LRCH1: variants seen among roughly 807,000 people sequenced by gnomAD.
The protein encoded by LRCH1 is leucine rich repeats and calponin homology domain containing 1.
A neutral mutation model predicts 94.9 loss-of-function variants in LRCH1; 23 were observed. The observed-to-expected ratio is 0.24, with a 90% CI of 0.17 to 0.34. The LOEUF is 0.34. LRCH1 is among the 10% of genes least tolerant of loss of function. LRCH1 has a pLI of 1.00. For missense variants in LRCH1, 790 were observed against 945.9 expected, an observed-to-expected ratio of 0.84 and a Z score of 2.16; for synonymous variants, 364 against 354.9, an observed-to-expected ratio of 1.03 and a Z score of -0.29.
intron 1 of LRCH1, among the ~76,000 whole-genome samples, chr13:46,622,201 TTC>T (rs138299270): frequency 0.14 from 10,257 of 75,572 alleles, 433 homozygotes; most frequent in East Asian, 0.35. Flanking sequence ...TTTTTTTTTT[TTC>T]CCCCCAAGGC....
rs201104832 is a variant in LRCH1 at position 46,733,935 on chromosome 13, G to A, written c.2022G>A (p.Met674Ile). 11 of 1,600,628 alleles carry A rather than the reference G, an allele frequency of 6.9e-6. No individual in the cohort carries two copies. Among genetic ancestry groups the A allele is most frequent in the South Asian group, 1.1e-5 (1 of 87,932 alleles). Residue 674 changes from methionine (M) to isoleucine (I), a missense_variant, in exon 19 of 20, where the codon ATG (methionine) becomes ATA (isoleucine). By Grantham distance (10) the Met-to-Ile change is conservative. This residue lies in a region of LRCH1 where 460 missense variants were observed against 508.9 expected (regional missense o/e 0.90). Coordinates refer to ENST00000389797, the MANE Select transcript of LRCH1 (RefSeq NM_001164211.2). ...TGCATTTATAGCCCAAACTTAGCAT[G>A]GCCAAATGCAGAAGAAATGTGGAAA... is the stretch of plus-strand genomic sequence containing the variant. ...VPSPAVPKLS[M>I]AKCRRNVENF...
intron 2 of LRCH1, among the ~76,000 whole-genome samples, chr13:46,651,479 G>A (rs527886698): frequency 2.0e-4 from 31 of 151,928 alleles, no homozygotes; most frequent in Non-Finnish European, 4.0e-4. Context: ...TGGCCAACAC[G>A]GTGGAACCCC....
At chr13:46,681,676 T>A in intron 3 of LRCH1, 65 bp from the exon 4 acceptor site, 1 of 1,110,812 alleles carries the variant, frequency 9.0e-7, no homozygotes, top group Non-Finnish European at 1.4e-6. Context: ...TAAGGAGATT[T>A]CACATGAAAT....
chr13:46,741,825 C>T lies in LRCH1; in HGVS notation c.2269C>T (p.His757Tyr). The change falls in exon 20 of 20, where the codon CAC becomes TAC. Residue 757 changes from histidine (H) to tyrosine (Y), a missense_variant. His to Tyr is a moderately conservative substitution (Grantham distance 83, BLOSUM62 2). Around this residue, in one of 3 missense-constraint regions of LRCH1, gnomAD observed 460 missense variants for 508.9 expected, o/e 0.90. Coordinates refer to ENST00000389797, the MANE Select transcript of LRCH1 (RefSeq NM_001164211.2). ...LFIVLVYITY[H>Y]WNALSA Reference sequence around the variant, plus strand: ...TATAGTGCTGGTCTATATCACTTACCACTGGAATGCTCTGTCCGCATAATG... The same window carrying T: ...TATAGTGCTGGTCTATATCACTTACTACTGGAATGCTCTGTCCGCATAATG... 6.2e-7 allele frequency: 1 copy of T among 1,614,114 alleles called. No homozygotes were observed.
chr13:46,649,179 T>G (rs2051260534), intron 1 of LRCH1, among the ~76,000 whole-genome samples: 1 of 152,362 alleles, frequency 6.6e-6, no homozygotes, highest in East Asian at 1.9e-4. Flanking sequence ...TATTGACATA[T>G]TTACATTTTC....
intron 1 of LRCH1, among the ~76,000 whole-genome samples, chr13:46,563,982 C>T (rs940907720): frequency 5.3e-5 from 8 of 152,040 alleles, no homozygotes; most frequent in South Asian, 2.1e-4. Context: ...CAAACCCACC[C>T]AAACCAGCCA....
At position 46,705,274 on chromosome 13, in the gene LRCH1, A is replaced by G. The variant is rs761805232; in HGVS notation, c.1497A>G (p.Gln499=). 1 of 1,613,538 alleles carries G rather than the reference A, an allele frequency of 6.2e-7. No homozygotes were observed. Among genetic ancestry groups the G allele is most frequent in the Non-Finnish European group, 8.5e-7 (1 of 1,179,686 alleles). ...TCTTTCCTTGTTCTCACAGTGGTCA[A>G]ATACAGCTGGAGACATCTCCGGTGT... ...LELQDSALNG[Q]IQLETSPVCE... is the part of the protein sequence containing the mutation. The change falls in exon 13 of 20, where the codon CAA becomes CAG. Residue 499 remains glutamine (Q), a synonymous_variant. Coordinates refer to ENST00000389797, the MANE Select transcript of LRCH1 (RefSeq NM_001164211.2).
chr13:46,695,010 A>G lies in LRCH1; in HGVS notation c.1238A>G (p.Asn413Ser). The G allele has an allele frequency of 6.2e-7, 1 of 1,613,232 alleles. No individual in the cohort carries two copies. Among genetic ancestry groups the G allele is most frequent in the Non-Finnish European group, 8.5e-7 (1 of 1,179,696 alleles). ...RADGLHSEFM[N>S]YKARAEDCEE... ...GATGGTCTCCATTCGGAATTTATGA[A>G]CTATAAGGCAAGATTTTCAGGATCA... Residue 413 changes from asparagine (N) to serine (S), a missense_variant, in exon 9 of 20, where the codon AAC becomes AGC. Coordinates refer to ENST00000389797, the MANE Select transcript of LRCH1 (RefSeq NM_001164211.2).
At chr13:46,751,105 A>G (rs1874115288) in exon 19 of LRCH1, 1 of 152,272 alleles carries the variant, frequency 6.6e-6, no homozygotes, top group Non-Finnish European at 1.5e-5. Flanking sequence ...CCTTTTAAAA[A>G]ACTATTTTCG....
At chr13:46,599,986 T>G (rs1392683197) in intron 1 of LRCH1, among the ~76,000 whole-genome samples, 1 of 152,238 alleles carries the variant, frequency 6.6e-6, no homozygotes, top group Non-Finnish European at 1.5e-5. Context: ...CGATCTTAAT[T>G]TTTTTATTTT....
At chr13:46,633,356 G>T (rs2051041551) in intron 1 of LRCH1, among the ~76,000 whole-genome samples, 1 of 152,146 alleles carries the variant, frequency 6.6e-6, no homozygotes, top group Non-Finnish European at 1.5e-5. Flanking sequence ...GATCGTGTTG[G>T]TTCCTAAAAA....
At chr13:46,718,994 A>T (rs1340336933) in intron 16 of LRCH1, among the ~76,000 whole-genome samples, 1 of 152,286 alleles carries the variant, frequency 6.6e-6, no homozygotes, top group African/African-American at 2.4e-5. Flanking sequence ...GCTTGACTCA[A>T]AGATGTTCTC....
intron 1 of LRCH1, among the ~76,000 whole-genome samples, chr13:46,558,236 G>C (rs970464015): frequency 6.6e-6 from 1 of 152,186 alleles, no homozygotes; most frequent in Non-Finnish European, 1.5e-5. Context: ...TGAGGCCCAA[G>C]GCAGGTCAAG....
chr13:46,707,049 T>A (rs1288493252), intron 13 of LRCH1, among the ~76,000 whole-genome samples: 2 of 152,218 alleles, frequency 1.3e-5, no homozygotes, highest in African/African-American at 4.8e-5. Flanking sequence ...TGATAACATA[T>A]TTTCATCTAA....
intron 1 of LRCH1, among the ~76,000 whole-genome samples, chr13:46,596,029 C>T (rs1287467064): frequency 1.3e-5 from 2 of 152,126 alleles, no homozygotes; most frequent in Non-Finnish European, 2.9e-5. Context: ...CTTTTAAATA[C>T]AAGTAACCAG....
chr13:46,723,326 G>A lies in LRCH1; in HGVS notation c.1865G>A (p.Arg622His), dbSNP rs1391000379. ...GAGAAAGAGCTGGTGGAACAACTTC[G>A]TGAGGTACCCAAGAAATATTATGTA... ...REEKELVEQL[R>H]ESIEMRLKVS... The change falls in exon 17 of 20, where the codon CGT (arginine) becomes CAT (histidine). Residue 622 changes from arginine (R) to histidine (H), a missense_variant. Arg to His is a conservative substitution (Grantham distance 29, BLOSUM62 0). This residue lies in a region of LRCH1 where 460 missense variants were observed against 508.9 expected (regional missense o/e 0.90). Coordinates refer to ENST00000389797, the MANE Select transcript of LRCH1 (RefSeq NM_001164211.2). 3.8e-6 allele frequency: 6 copies of A among 1,591,608 alleles called. No homozygotes were observed. Among genetic ancestry groups the A allele is most frequent in the South Asian group, 2.2e-5 (2 of 90,182 alleles).
At chr13:46,580,038 CT>C (rs954447319) in intron 1 of LRCH1, among the ~76,000 whole-genome samples, 6 of 152,236 alleles carry the variant, frequency 3.9e-5, no homozygotes, top group African/African-American at 1.4e-4. Context: ...AAGGGAACCC[CT>C]AGGAGCATTT....
At chr13:46,751,337 G>T (rs1312718215) in exon 19 of LRCH1, 1 of 151,946 alleles carries the variant, frequency 6.6e-6, no homozygotes, top group Non-Finnish European at 1.5e-5. Flanking sequence ...CGAAAAACAG[G>T]TGCTTTTAGG....
chr13:46,636,873 T>C (rs912665054), intron 1 of LRCH1, among the ~76,000 whole-genome samples: 1 of 152,236 alleles, frequency 6.6e-6, no homozygotes, highest in Non-Finnish European at 1.5e-5. Context: ...GTCCCAGGGC[T>C]GAGTGCATGG....
Sources: allele counts gnomAD v4.1 joint callset (sites outside exome capture counted in the v4.1 genomes callset), GRCh38; gene constraint gnomAD v4.1.1; regional missense constraint gnomAD v4.1.1; transcripts MANE v1.5; gene names NCBI Gene and HGNC (gene_info 2026-07-23, HGNC 2026-07-21).